KCND2: variants seen among roughly 807,000 people sequenced by gnomAD.
KCND2 encodes the protein A-type voltage-gated potassium channel KCND2.
A neutral mutation model predicts 54.4 loss-of-function variants in KCND2; 16 were observed. That is an observed-to-expected ratio of 0.29 (90% confidence interval 0.20 to 0.45). The LOEUF is 0.45. Among genes scored for constraint, KCND2 ranks in the 20% least tolerant of loss-of-function variants. The pLI is 1.00. For missense variants in KCND2, 486 were observed against 824.2 expected, an observed-to-expected ratio of 0.59 and a Z score of 5.02; for synonymous variants, 317 against 310.7, an observed-to-expected ratio of 1.02 and a Z score of -0.21.
intron 1 of KCND2, among the ~76,000 whole-genome samples, chr7:120,527,477 G>C (rs946517121): frequency 1.3e-5 from 2 of 152,092 alleles, no homozygotes; most frequent in Admixed American, 1.3e-4. Flanking sequence ...GCATGAGAAA[G>C]CTTCCCAGCA....
At chr7:120,443,989 C>A (rs1365202844) in intron 1 of KCND2, among the ~76,000 whole-genome samples, 1 of 152,046 alleles carries the variant, frequency 6.6e-6, no homozygotes, top group Admixed American at 6.6e-5. Flanking sequence ...TGCCTTCCTG[C>A]CTTCATTCCT....
At chr7:120,684,648 TG>T (rs1792179095) in intron 1 of KCND2, among the ~76,000 whole-genome samples, 1 of 152,084 alleles carries the variant, frequency 6.6e-6, no homozygotes. Context: ...CTATTACCCG[TG>T]GGTCCAGGGC....
At chr7:120,659,261 G>A (rs1207375776) in intron 1 of KCND2, among the ~76,000 whole-genome samples, 1 of 152,090 alleles carries the variant, frequency 6.6e-6, no homozygotes, top group Non-Finnish European at 1.5e-5. Flanking sequence ...GCACGTCTTT[G>A]GATTCTACTT....
intron 1 of KCND2, among the ~76,000 whole-genome samples, chr7:120,682,889 A>G (rs542172726): frequency 6.6e-6 from 1 of 152,246 alleles, no homozygotes; most frequent in East Asian, 1.9e-4. Context: ...TTTGTTGGTG[A>G]TATTCCTACT....
At chr7:120,300,973 G>A (rs1364628115) in intron 1 of KCND2, among the ~76,000 whole-genome samples, 2 of 152,020 alleles carry the variant, frequency 1.3e-5, no homozygotes, top group Admixed American at 1.3e-4. Context: ...AGGGGGAAAG[G>A]GGCCCACAAA....
chr7:120,544,809 A>G (rs1792023768), intron 1 of KCND2, among the ~76,000 whole-genome samples: 1 of 151,942 alleles, frequency 6.6e-6, no homozygotes, highest in African/African-American at 2.4e-5. Context: ...AAGCTAATTC[A>G]TTAATGTGGG....
intron 1 of KCND2, among the ~76,000 whole-genome samples, chr7:120,576,543 A>G (rs1036585447): frequency 3.9e-5 from 6 of 152,136 alleles, no homozygotes; most frequent in Non-Finnish European, 8.8e-5. Flanking sequence ...ATTTTTATTC[A>G]TATTGCCAAA....
In KCND2 at chr7:120,376,331, C is replaced by T. The variant is rs573111556; in HGVS notation, c.1115+100584C>T. Among the ~76,000 whole-genome samples, 10 of 151,704 alleles carry T rather than the reference C, an allele frequency of 6.6e-5. No individual in the cohort carries two copies. The South Asian group carries it at 1.0e-3, about 16-fold the overall frequency. On this transcript the variant is annotated intron_variant, in intron 1 of 5. Transcript: ENST00000331113. ...AAGAACAATTGTCAATCCTTGCAAA[C>T]GTCTTCTGCCAACTTTTAAAGAACT...
chr7:120,343,015 GC>G (rs1428965015), intron 1 of KCND2, among the ~76,000 whole-genome samples: 1 of 152,126 alleles, frequency 6.6e-6, no homozygotes, highest in Admixed American at 6.6e-5. Context: ...TATGAGCTCT[GC>G]CATCCACTAG....
rs925603261 is a variant in KCND2, at chr7:120,748,634, G to C, written c.*776G>C. The C allele has an allele frequency of 7.2e-5, 11 of 152,404 alleles. No homozygotes were observed. The highest frequency in any genetic ancestry group is 2.7e-4 in the African/African-American group (11 of 41,440). The allele number at this position is 152,404 out of a possible 1,614,324, so 9.4% of individuals were successfully genotyped here. ...TGTACAACTGTTGTATCAGGAATCA[G>C]GATTTTTTTGTTGTTGTACTTTCCA... On this transcript the variant is annotated 3_prime_UTR_variant, in exon 6 of 6. Transcript: ENST00000331113.
chr7:120,324,108 T>G (rs1461357305), intron 1 of KCND2, among the ~76,000 whole-genome samples: 1 of 150,054 alleles, frequency 6.7e-6, no homozygotes, highest in Non-Finnish European at 1.5e-5. Context: ...TTTTGAGAAG[T>G]GTCTGTTCAT....
intron 1 of KCND2, among the ~76,000 whole-genome samples, chr7:120,503,907 C>G (rs183457323): frequency 6.6e-6 from 1 of 151,856 alleles, no homozygotes; most frequent in Admixed American, 6.6e-5. Flanking sequence ...TTAGCTTCAC[C>G]GCAAATCCGC....
At chr7:120,535,660 G>A (rs1435988932) in intron 1 of KCND2, among the ~76,000 whole-genome samples, 9 of 152,106 alleles carry the variant, frequency 5.9e-5, no homozygotes, top group Admixed American at 5.2e-4. Flanking sequence ...CAATGTTTGG[G>A]ATTTTAACAA....
At chr7:120,461,009 A>G (rs1307730767) in intron 1 of KCND2, among the ~76,000 whole-genome samples, 1 of 152,122 alleles carries the variant, frequency 6.6e-6, no homozygotes, top group African/African-American at 2.4e-5. Context: ...TTCATGCTTT[A>G]TTGTTAAACC....
intron 1 of KCND2, among the ~76,000 whole-genome samples, chr7:120,479,781 A>T (rs928176618): frequency 1.5e-5 from 2 of 133,094 alleles, no homozygotes; most frequent in Admixed American, 7.7e-5. Flanking sequence ...TATATATATA[A>T]ACTATACACA....
At chr7:120,736,812 CA>C (rs554478652) in intron 2 of KCND2, among the ~76,000 whole-genome samples, 5 of 151,006 alleles carry the variant, frequency 3.3e-5, no homozygotes, top group African/African-American at 9.7e-5. Flanking sequence ...AAGTCCAAGG[CA>C]AAAAAATTCT....
At chr7:120,660,630 G>A (rs1157838500) in intron 1 of KCND2, among the ~76,000 whole-genome samples, 1 of 152,204 alleles carries the variant, frequency 6.6e-6, no homozygotes, top group African/African-American at 2.4e-5. Context: ...ATCATTATAT[G>A]AATTAAGGCT....
At chr7:120,735,102 A>AATGCCTAGCCT (rs1792854238) in intron 2 of KCND2, among the ~76,000 whole-genome samples, 1 of 152,044 alleles carries the variant, frequency 6.6e-6, no homozygotes, top group Non-Finnish European at 1.5e-5. Context: ...TTTTTGGACA[A>AATGCCTAGCCT]ATGCCTAGCC....
At chr7:120,662,286 G>T (rs1012963709) in intron 1 of KCND2, among the ~76,000 whole-genome samples, 3 of 152,030 alleles carry the variant, frequency 2.0e-5, no homozygotes, top group Admixed American at 1.3e-4. Context: ...AAATTTAATT[G>T]AATAAGCACT....
Sources: gnomAD v4.1 joint callset for allele counts (sites outside exome capture counted in the v4.1 genomes callset) on GRCh38, gnomAD v4.1.1 for gene constraint, MANE v1.5 for transcripts, NCBI Gene and HGNC (gene_info 2026-07-23, HGNC 2026-07-21) for gene names.